Variants in PRTG observed in about 807,000 individuals in gnomAD.
The protein encoded by PRTG is protogenin, also known as immunoglobulin superfamily, DCC subclass, member 5.
PRTG carries 67 observed loss-of-function variants against 122.5 expected under a neutral mutation model. That is an observed-to-expected ratio of 0.55 (90% confidence interval 0.45 to 0.67). PRTG has a LOEUF of 0.67. PRTG is among the 30% of genes least tolerant of loss of function. PRTG has a pLI of 0.00. For missense variants in PRTG, 1,435 were observed against 1,415.4 expected (o/e 1.01, Z -0.22); for synonymous variants, 554 against 501.1 (o/e 1.11, Z -1.41).
intron 2 of PRTG, among the ~76,000 whole-genome samples, chr15:55,724,981 A>C (rs1198013891): frequency 6.6e-6 from 1 of 152,194 alleles, no homozygotes; most frequent in African/African-American, 2.4e-5. Context: ...GGAAGAAATA[A>C]AGACCACTGG....
intron 11 of PRTG, 68 bp from the exon 12 acceptor site, chr15:55,641,276 G>T: frequency 1.7e-6 from 2 of 1,171,704 alleles, no homozygotes; most frequent in Non-Finnish European, 2.5e-6. Flanking sequence ...TCTGAATGAA[G>T]CCTTTATAGA....
intron 2 of PRTG, among the ~76,000 whole-genome samples, chr15:55,727,625 G>A (rs1482360511): frequency 3.9e-5 from 6 of 152,078 alleles, no homozygotes; most frequent in South Asian, 2.1e-4. Flanking sequence ...GTGAAACCCC[G>A]TCTCTACTAA....
At chr15:55,689,923 G>T (rs1027061447) in intron 2 of PRTG, among the ~76,000 whole-genome samples, 1 of 147,758 alleles carries the variant, frequency 6.8e-6, no homozygotes, top group African/African-American at 2.5e-5. Flanking sequence ...GCAAGACTCC[G>T]TCTCAAAAAA....
intron 2 of PRTG, among the ~76,000 whole-genome samples, chr15:55,736,411 G>A (rs1261539054): frequency 6.6e-6 from 1 of 150,764 alleles, no homozygotes; most frequent in Non-Finnish European, 1.5e-5. Flanking sequence ...CTTTATAAAT[G>A]TTTTTAATAT....
At chr15:55,728,549 T>C (rs1417034729) in intron 2 of PRTG, among the ~76,000 whole-genome samples, 1 of 152,136 alleles carries the variant, frequency 6.6e-6, no homozygotes, top group Non-Finnish European at 1.5e-5. Flanking sequence ...AAAAATCCAA[T>C]ACACCTTCAT....
At chr15:55,688,338 C>T (rs2059581845) in intron 2 of PRTG, among the ~76,000 whole-genome samples, 1 of 152,186 alleles carries the variant, frequency 6.6e-6, no homozygotes, top group Non-Finnish European at 1.5e-5. Context: ...GCTCTCCCTC[C>T]TCTTCTGCCC....
chr15:55,688,848 A>AT (rs2059584876), intron 2 of PRTG, among the ~76,000 whole-genome samples: 1 of 152,138 alleles, frequency 6.6e-6, no homozygotes, highest in Non-Finnish European at 1.5e-5. Flanking sequence ...AAGAAACAAA[A>AT]CAAAACAAAG....
chr15:55,740,806 G>T, intron 1 of PRTG, 122 bp from the exon 2 acceptor site: 1 of 833,134 alleles, frequency 1.2e-6, no homozygotes, highest in Non-Finnish European at 1.8e-6. Flanking sequence ...AATTTTATTA[G>T]TTAACTTACA....
At chr15:55,719,214 T>A (rs1249954526) in intron 2 of PRTG, among the ~76,000 whole-genome samples, 1 of 152,220 alleles carries the variant, frequency 6.6e-6, no homozygotes, top group African/African-American at 2.4e-5. Flanking sequence ...TTCATTGTCC[T>A]AATTGATTTT....
chr15:55,647,921 T>C (rs2059333058), intron 11 of PRTG, among the ~76,000 whole-genome samples: 1 of 152,222 alleles, frequency 6.6e-6, no homozygotes, highest in South Asian at 2.1e-4. Context: ...CAAGTGTGTG[T>C]TGGCTTGCGT....
At chr15:55,688,401 T>TTA (rs60886733) in intron 2 of PRTG, among the ~76,000 whole-genome samples, 38,267 of 151,946 alleles carry the variant, frequency 0.25, 5,780 homozygotes, top group East Asian at 0.67. Context: ...TTTTTGGTGA[T>TTA]TATATCCTCT....
At chr15:55,710,950 G>A (rs1478011184) in intron 2 of PRTG, among the ~76,000 whole-genome samples, 4 of 151,646 alleles carry the variant, frequency 2.6e-5, no homozygotes, top group Non-Finnish European at 4.4e-5. Context: ...CTTGTCGCCC[G>A]GGCTGGAGTA....
chr15:55,635,754 A>G (rs2059254512), intron 15 of PRTG, among the ~76,000 whole-genome samples: 1 of 152,158 alleles, frequency 6.6e-6, no homozygotes, highest in South Asian at 2.1e-4. Context: ...ATATTACATG[A>G]ACATAAATAT....
intron 11 of PRTG, among the ~76,000 whole-genome samples, chr15:55,649,778 C>A (rs1014212086): frequency 6.6e-6 from 1 of 150,528 alleles, no homozygotes; most frequent in African/African-American, 2.5e-5. Context: ...GGAGACAGAG[C>A]GAGACTCAGT....
intron 2 of PRTG, among the ~76,000 whole-genome samples, chr15:55,733,653 CCT>C (rs2031313201): frequency 1.3e-5 from 2 of 151,906 alleles, no homozygotes; most frequent in Non-Finnish European, 2.9e-5. Context: ...ATAGCAAGAT[CCT>C]CTCTCTACAA....
chr15:55,635,733 A>C (rs74017543), intron 15 of PRTG, among the ~76,000 whole-genome samples: 2 of 152,178 alleles, frequency 1.3e-5, no homozygotes, highest in African/African-American at 4.8e-5. Flanking sequence ...TTTAAAACTC[A>C]TAAGAGTTTT....
intron 15 of PRTG, among the ~76,000 whole-genome samples, chr15:55,630,576 C>G (rs2059222330): frequency 6.6e-6 from 1 of 152,210 alleles, no homozygotes; most frequent in Admixed American, 6.5e-5. Context: ...AAGCAATTAT[C>G]ATTTGAATTT....
At chr15:55,726,737 A>G (rs1595680181) in intron 2 of PRTG, among the ~76,000 whole-genome samples, 1 of 152,180 alleles carries the variant, frequency 6.6e-6, no homozygotes, top group East Asian at 1.9e-4. Flanking sequence ...GAAAACTCAC[A>G]CATATATGAA....
intron 2 of PRTG, among the ~76,000 whole-genome samples, chr15:55,729,073 G>C (rs992822478): frequency 6.6e-6 from 1 of 152,142 alleles, no homozygotes; most frequent in Non-Finnish European, 1.5e-5. Flanking sequence ...ACTACAAACA[G>C]TATCAAGAAA....
Sources: allele counts gnomAD v4.1 joint callset (sites outside exome capture counted in the v4.1 genomes callset), GRCh38; gene constraint gnomAD v4.1.1; transcripts MANE v1.5; gene names NCBI Gene and HGNC (gene_info 2026-07-23, HGNC 2026-07-21).